NTRK3: variants seen among roughly 807,000 people sequenced by gnomAD.
The protein encoded by NTRK3 is neurotrophic receptor tyrosine kinase 3, also known as NT-3 growth factor receptor.
NTRK3 carries 24 observed loss-of-function variants against 91.7 expected under a neutral mutation model. The ratio of observed to expected loss-of-function variants is 0.26; its 90% CI spans 0.19 to 0.37. The LOEUF (loss-of-function observed/expected upper bound fraction) is 0.37. NTRK3 is among the 10% of genes least tolerant of loss of function. The pLI, the probability that NTRK3 is intolerant of heterozygous loss-of-function variation, is 1.00. For missense variants in NTRK3, 880 were observed against 1,068.9 expected (o/e 0.82, Z 2.46); for synonymous variants, 483 against 404.0 (o/e 1.20, Z -2.34).
At chr15:87,940,297 C>A (rs1054076996) in intron 15 of NTRK3, among the ~76,000 whole-genome samples, 11 of 152,298 alleles carry the variant, frequency 7.2e-5, no homozygotes, top group Admixed American at 4.6e-4. Context: ...TCCTGTAAAG[C>A]CACTACATGG....
chr15:88,144,913 C>T (rs987134251), intron 6 of NTRK3, among the ~76,000 whole-genome samples: 2 of 152,148 alleles, frequency 1.3e-5, no homozygotes, highest in African/African-American at 4.8e-5. Flanking sequence ...CAGAAAGAAA[C>T]ATGTTAAGGA....
chr15:88,195,111 G>T (rs1001963012), intron 3 of NTRK3, among the ~76,000 whole-genome samples: 2 of 152,288 alleles, frequency 1.3e-5, no homozygotes, highest in South Asian at 2.1e-4. Flanking sequence ...CTGGTGTCTA[G>T]CGGGGTGAGG....
chr15:88,140,330 A>G (rs2042271105), intron 6 of NTRK3, among the ~76,000 whole-genome samples: 1 of 152,162 alleles, frequency 6.6e-6, no homozygotes, highest in South Asian at 2.1e-4. Flanking sequence ...AAAGTACTCA[A>G]CCAAAGGGAT....
At chr15:88,116,694 T>C (rs957234788) in intron 13 of NTRK3, among the ~76,000 whole-genome samples, 3 of 152,206 alleles carry the variant, frequency 2.0e-5, no homozygotes, top group African/African-American at 4.8e-5. Context: ...CCCAGACCTA[T>C]TGAACCAGAA....
intron 13 of NTRK3, among the ~76,000 whole-genome samples, chr15:88,077,329 G>A (rs554800211): frequency 6.6e-6 from 1 of 151,988 alleles, no homozygotes; most frequent in South Asian, 2.1e-4. Flanking sequence ...CTTGAGTCAC[G>A]AACTGCATGG....
At chr15:88,103,159 C>T (rs528535583) in intron 13 of NTRK3, among the ~76,000 whole-genome samples, 1 of 152,298 alleles carries the variant, frequency 6.6e-6, no homozygotes, top group East Asian at 1.9e-4. Flanking sequence ...ATTTCCTAAA[C>T]CCTAATCTAG....
chr15:87,998,312 A>G (rs1188790487), intron 14 of NTRK3, among the ~76,000 whole-genome samples: 1 of 152,262 alleles, frequency 6.6e-6, no homozygotes, highest in Non-Finnish European at 1.5e-5. Context: ...ATGTTTAACC[A>G]TAACATATAC....
intron 5 of NTRK3, among the ~76,000 whole-genome samples, chr15:88,163,482 C>T (rs899554895): frequency 2.0e-5 from 3 of 152,218 alleles, no homozygotes; most frequent in South Asian, 2.1e-4. Context: ...TTTCATCCAT[C>T]CATCAAGCTC....
chr15:88,059,616 G>A (rs1332747573), intron 13 of NTRK3, among the ~76,000 whole-genome samples: 1 of 152,138 alleles, frequency 6.6e-6, no homozygotes, highest in East Asian at 1.9e-4. Flanking sequence ...ATGCTGCCGG[G>A]AAGTTTGCAC....
intron 14 of NTRK3, among the ~76,000 whole-genome samples, chr15:88,032,138 T>C (rs1482586800): frequency 6.6e-6 from 1 of 151,940 alleles, no homozygotes; most frequent in South Asian, 2.1e-4. Context: ...GGGCCCAGAT[T>C]GAACCTGGGC....
exon 19 of NTRK3, chr15:87,864,737 A>T (rs373101043): frequency 8.5e-4 from 194 of 229,570 alleles, no homozygotes; most frequent in African/African-American, 3.8e-3. Flanking sequence ...CTTCTAAAAA[A>T]CAGACACCAG....
At chr15:88,041,457 C>A (rs2142136472) in intron 13 of NTRK3, among the ~76,000 whole-genome samples, 1 of 152,262 alleles carries the variant, frequency 6.6e-6, no homozygotes, top group East Asian at 1.9e-4. Flanking sequence ...TAAACAGTAC[C>A]CCCATCACTT....
At chr15:88,247,255 G>T (rs1326335329) in intron 3 of NTRK3, among the ~76,000 whole-genome samples, 1 of 152,134 alleles carries the variant, frequency 6.6e-6, no homozygotes, top group Non-Finnish European at 1.5e-5. Context: ...GCCTGTAAAA[G>T]CCCGAACCCC....
chr15:87,940,811 G>A (rs2142021632), intron 14 of NTRK3, 58 bp from the exon 15 acceptor site: 1 of 1,612,430 alleles, frequency 6.2e-7, no homozygotes, highest in Non-Finnish European at 8.5e-7. Flanking sequence ...GTGACACAGG[G>A]AGACAGAAGA....
At chr15:87,966,420 G>A (rs1279970511) in intron 14 of NTRK3, among the ~76,000 whole-genome samples, 1 of 152,186 alleles carries the variant, frequency 6.6e-6, no homozygotes, top group African/African-American at 2.4e-5. Context: ...GACACATGGT[G>A]CTAAGGAGTT....
intron 17 of NTRK3, among the ~76,000 whole-genome samples, chr15:87,886,825 TA>T (rs376575397): frequency 2.4e-4 from 34 of 143,772 alleles, no homozygotes; most frequent in East Asian, 1.2e-3. Context: ...TTAAAAATAG[TA>T]AAAAAAAAAG....
chr15:87,974,196 G>A (rs900271209), intron 14 of NTRK3, among the ~76,000 whole-genome samples: 1 of 150,592 alleles, frequency 6.6e-6, no homozygotes, highest in Non-Finnish European at 1.5e-5. Flanking sequence ...GGCTGGGGAG[G>A]TGGAGGTGAG....
chr15:87,958,769 G>A (rs1003549890), intron 14 of NTRK3, among the ~76,000 whole-genome samples: 3 of 151,902 alleles, frequency 2.0e-5, no homozygotes, highest in Non-Finnish European at 4.4e-5. Context: ...CTCCCAAACT[G>A]AGCTTCCATT....
chr15:88,129,784 T>C (rs1229093060), intron 10 of NTRK3, among the ~76,000 whole-genome samples: 1 of 152,200 alleles, frequency 6.6e-6, no homozygotes, highest in Non-Finnish European at 1.5e-5. Flanking sequence ...AAAACAATGA[T>C]AGTCCTGGAT....
Sources: gnomAD v4.1 joint callset for allele counts (sites outside exome capture counted in the v4.1 genomes callset) on GRCh38, gnomAD v4.1.1 for gene constraint, MANE v1.5 for transcripts, NCBI Gene and HGNC (gene_info 2026-07-23, HGNC 2026-07-21) for gene names.